Variants in THSD4 observed in about 807,000 individuals in gnomAD.
The protein encoded by THSD4 is thrombospondin type-1 domain-containing protein 4.
THSD4 carries 69 observed loss-of-function variants against 119.0 expected under a neutral mutation model. That is an observed-to-expected ratio of 0.58 (90% CI 0.48 to 0.71). THSD4 has a LOEUF of 0.71. Ranked by LOEUF, THSD4 falls within the 30% of genes least tolerant of loss-of-function variation. The pLI is 0.00. For synonymous variants in THSD4, 524 were observed against 540.4 expected (o/e 0.97, Z 0.42); for missense variants, 1,393 against 1,391.1 (o/e 1.00, Z -0.02).
intron 8 of THSD4, among the ~76,000 whole-genome samples, chr15:71,711,156 TATAAC>T (rs1001306050): frequency 3.0e-4 from 45 of 150,500 alleles, no homozygotes; most frequent in Non-Finnish European, 5.9e-4. Context: ...ACATGGCAAA[TATAAC>T]ATAAATAGGG....
At chr15:71,275,788 T>C (rs1388671057) in intron 6 of THSD4, among the ~76,000 whole-genome samples, 4 of 152,236 alleles carry the variant, frequency 2.6e-5, no homozygotes, top group Non-Finnish European at 5.9e-5. Flanking sequence ...ATCTGTTGGT[T>C]TTATAAGGGG....
intron 7 of THSD4, among the ~76,000 whole-genome samples, chr15:71,446,186 C>G (rs939788130): frequency 4.6e-5 from 7 of 152,214 alleles, no homozygotes; most frequent in African/African-American, 1.7e-4. Context: ...AAGGAAACTA[C>G]CTCCTTAGTA....
intron 3 of THSD4, chr15:71,164,987 T>A (rs1305140966): frequency 1.3e-6 from 2 of 1,586,328 alleles, no homozygotes; most frequent in Non-Finnish European, 1.7e-6. Flanking sequence ...CTTCTTTTCA[T>A]AAGGCTGCTT....
chr15:71,285,599 T>C (rs948425204), intron 6 of THSD4, among the ~76,000 whole-genome samples: 7 of 152,220 alleles, frequency 4.6e-5, no homozygotes, highest in Non-Finnish European at 1.0e-4. Flanking sequence ...CTCATGCCTG[T>C]AATCCCAGCA....
intron 7 of THSD4, among the ~76,000 whole-genome samples, chr15:71,627,509 A>C (rs769042900): frequency 6.6e-6 from 1 of 152,162 alleles, no homozygotes; most frequent in Admixed American, 6.5e-5. Flanking sequence ...AAGTAGGTTT[A>C]GCTTTTAGAA....
At chr15:71,745,075 C>T in intron 11 of THSD4, 31 bp from the exon 12 acceptor site, 1 of 1,602,468 alleles carries the variant, frequency 6.2e-7, no homozygotes, top group Non-Finnish European at 8.5e-7. Flanking sequence ...GTGTGTGGGA[C>T]TGTCCTTCAG....
intron 7 of THSD4, among the ~76,000 whole-genome samples, chr15:71,474,582 G>A (rs148980664): frequency 5.5e-4 from 83 of 152,166 alleles, no homozygotes; most frequent in African/African-American, 1.7e-3. Context: ...CCAGTCCACC[G>A]TTGTACCAGC....
chr15:71,191,933 C>A (rs1202586096), intron 3 of THSD4, among the ~76,000 whole-genome samples: 1 of 144,922 alleles, frequency 6.9e-6, no homozygotes, highest in Non-Finnish European at 1.5e-5. Flanking sequence ...GATGGAATCT[C>A]ACTCTGTCAC....
chr15:71,269,025 A>T (rs1341582925), intron 6 of THSD4, among the ~76,000 whole-genome samples: 1 of 152,188 alleles, frequency 6.6e-6, no homozygotes, highest in Non-Finnish European at 1.5e-5. Context: ...GGCAAATTCT[A>T]CCAGAGGTAC....
intron 7 of THSD4, among the ~76,000 whole-genome samples, chr15:71,518,456 G>C (rs528766172): frequency 4.8e-4 from 73 of 152,284 alleles, no homozygotes; most frequent in Non-Finnish European, 9.8e-4. Context: ...CTCTGACTGG[G>C]TTTTGTACTG....
intron 8 of THSD4, among the ~76,000 whole-genome samples, chr15:71,684,728 A>G (rs1480977749): frequency 3.3e-5 from 5 of 151,658 alleles, no homozygotes; most frequent in East Asian, 1.9e-4. Flanking sequence ...AGATTGGCCT[A>G]TTGTTTTCAT....
intron 7 of THSD4, among the ~76,000 whole-genome samples, chr15:71,644,288 CTCT>C (rs1567079032): frequency 1.3e-5 from 2 of 152,114 alleles, no homozygotes; most frequent in African/African-American, 2.4e-5. Flanking sequence ...TATGATAAGC[CTCT>C]TCTTCCTTCA....
intron 6 of THSD4, among the ~76,000 whole-genome samples, chr15:71,325,610 T>C (rs946771822): frequency 6.6e-6 from 1 of 152,210 alleles, no homozygotes; most frequent in Non-Finnish European, 1.5e-5. Context: ...AGTACAAGGT[T>C]ACATGATTTG....
At position 71,622,421 on chromosome 15, in the gene THSD4, T is replaced by G. The variant is rs75805329; in HGVS notation, c.1153-38109T>G. 2.4e-3 allele frequency among the ~76,000 whole-genome samples: 365 copies of G among 152,322 alleles called. 2 individuals are homozygous for G. Among genetic ancestry groups the G allele is most frequent in the African/African-American group, 8.4e-3 (349 of 41,576 alleles). On this transcript the variant is annotated intron_variant, in intron 7 of 17. Coordinates refer to ENST00000261862, the MANE Select transcript of THSD4 (RefSeq NM_024817.3). ...GTTGATACCATGTCCCAAATATTACTCATAAACTGGAATTTTTACCAGCAA... is the reference window on the plus strand; with the variant it reads ...GTTGATACCATGTCCCAAATATTACGCATAAACTGGAATTTTTACCAGCAA...
rs370801523 is a variant in THSD4, at chr15:71,673,682, A to T, written c.1357+12948A>T. On this transcript the variant is annotated intron_variant, in intron 8 of 17. Transcript: ENST00000261862. ...TTAAATGTGTCCCAGAGATTCTGGT[A>T]CATTGTGTCTTTGTTCTCATTGGTT... 3.4e-4 allele frequency among the ~76,000 whole-genome samples: 52 copies of T among 152,342 alleles called. No individual in the cohort carries two copies. The South Asian group carries it at 9.1e-3, about 27-fold the overall frequency.
Position 71,531,437 on chromosome 15 carries a change from A to C in THSD4, c.1152+119614A>C, listed in dbSNP as rs1360024241. On this transcript the variant is annotated intron_variant, in intron 7 of 17. Transcript: ENST00000261862. ...TGCAAGGCCTTGAACTTGTGGACAC[A>C]TGAAAATGGATAGAAGTGGGTGAAT... 3.9e-5 allele frequency among the ~76,000 whole-genome samples: 6 copies of C among 152,238 alleles called. No individual in the cohort carries two copies. The East Asian group carries it at 1.2e-3, about 29-fold the overall frequency.
chr15:71,252,907 T>C (rs2044275851), intron 5 of THSD4, among the ~76,000 whole-genome samples: 1 of 150,692 alleles, frequency 6.6e-6, no homozygotes, highest in South Asian at 2.1e-4. Flanking sequence ...AGTCCAGGCT[T>C]CTGCCTTCCT....
intron 7 of THSD4, among the ~76,000 whole-genome samples, chr15:71,423,646 G>A (rs578176962): frequency 3.9e-5 from 6 of 152,318 alleles, no homozygotes; most frequent in South Asian, 2.1e-4. Flanking sequence ...GGGGTTGGAG[G>A]AGGCGGAGTG....
At chr15:71,316,369 A>G (rs545523202) in intron 6 of THSD4, among the ~76,000 whole-genome samples, 4 of 152,292 alleles carry the variant, frequency 2.6e-5, no homozygotes, top group Admixed American at 1.3e-4. Flanking sequence ...AAGGGGTTAC[A>G]TTAAGACGAT....
Sources: allele counts gnomAD v4.1 joint callset (sites outside exome capture counted in the v4.1 genomes callset), GRCh38; gene constraint gnomAD v4.1.1; transcripts MANE v1.5; gene names NCBI Gene and HGNC (gene_info 2026-07-23, HGNC 2026-07-21).